The following TMEM144 variants were observed in gnomAD, a reference collection of about 807,000 sequenced individuals.
TMEM144 encodes the protein transmembrane protein 144.
Under a neutral mutation model 43.6 loss-of-function variants are expected in TMEM144, and 39 were observed. The ratio of observed to expected loss-of-function variants is 0.90; its 90% confidence interval spans 0.69 to 1.17. The LOEUF (loss-of-function observed/expected upper bound fraction) is 1.17, where lower values mean the gene tolerates loss of function less well. Ranked by LOEUF, TMEM144 falls within the 50% of genes most tolerant of loss-of-function variation. The pLI, the probability that TMEM144 is intolerant of heterozygous loss-of-function variation, is 0.00. For missense variants in TMEM144, 417 were observed against 411.9 expected (o/e 1.01, Z -0.11); for synonymous variants, 154 against 133.6 (o/e 1.15, Z -1.06).
chr4:158,249,973 C>T (rs1432754720), intron 12 of TMEM144, among the ~76,000 whole-genome samples: 1 of 144,692 alleles, frequency 6.9e-6, no homozygotes, highest in Non-Finnish European at 1.5e-5. Context: ...TTTTCGGGTG[C>T]TTCTATTTGT....
In TMEM144 at chr4:158,215,175, G is replaced by T. The variant is rs1398979004; in HGVS notation, c.110-16G>T. 6.2e-7 allele frequency: 1 copy of T among 1,613,248 alleles called. No homozygotes were observed. The highest frequency in any genetic ancestry group is 1.3e-5 in the African/African-American group (1 of 74,890). ...ATTCAATTTGAACCACTAACACTGA[G>T]TTTGTTTATTTCTAGGAATGTTTCT... On this transcript the variant is annotated splice_polypyrimidine_tract_variant and intron_variant, in intron 3 of 12. Transcript: ENST00000296529.
intron 8 of TMEM144, among the ~76,000 whole-genome samples, chr4:158,236,160 C>T (rs1414925755): frequency 6.6e-6 from 1 of 152,088 alleles, no homozygotes; most frequent in Non-Finnish European, 1.5e-5. Flanking sequence ...TGTGGTGACA[C>T]CTTTTGACTC....
chr4:158,226,677 T>G (rs957628119), intron 6 of TMEM144, among the ~76,000 whole-genome samples: 1 of 152,170 alleles, frequency 6.6e-6, no homozygotes, highest in African/African-American at 2.4e-5. Context: ...CTAGCTACTT[T>G]TAAATTATAC....
intron 6 of TMEM144, among the ~76,000 whole-genome samples, chr4:158,229,822 G>A (rs1190312188): frequency 6.6e-6 from 1 of 152,212 alleles, no homozygotes; most frequent in Non-Finnish European, 1.5e-5. Context: ...ACTTCTTGGG[G>A]ATCAAGCTCT....
intron 10 of TMEM144, among the ~76,000 whole-genome samples, chr4:158,241,144 C>T (rs112530499): frequency 1.3e-4 from 20 of 151,438 alleles, no homozygotes; most frequent in African/African-American, 4.6e-4. Flanking sequence ...TTTTCTTAGC[C>T]GTAGCATCAC....
intron 11 of TMEM144, among the ~76,000 whole-genome samples, chr4:158,243,360 G>A (rs1170421051): frequency 6.6e-6 from 1 of 151,450 alleles, no homozygotes; most frequent in Non-Finnish European, 1.5e-5. Flanking sequence ...TATTTTTTTT[G>A]TTTCACTTAC....
intron 6 of TMEM144, among the ~76,000 whole-genome samples, chr4:158,224,824 G>T (rs949434862): frequency 2.0e-5 from 3 of 152,160 alleles, no homozygotes; most frequent in Non-Finnish European, 4.4e-5. Context: ...AGGGGTTGGC[G>T]AAGCTGCTCT....
Position 158,240,433 on chromosome 4 carries a change from T to G in TMEM144, c.802+15T>G, listed in dbSNP as rs1360686795. ...AGTCCTACCAGGTAAGAATATGTAC[T>G]ACAGATCTTCTTACTATATGAAAGT... is the stretch of plus-strand genomic sequence containing the variant. On this transcript the variant is annotated intron_variant, in intron 10 of 12. Transcript: ENST00000296529. 6.3e-7 allele frequency: 1 copy of G among 1,585,740 alleles called. No homozygotes were observed. The highest frequency in any genetic ancestry group is 2.2e-5 in the East Asian group (1 of 44,734).
At chr4:158,227,344 C>T (rs1734825793) in intron 6 of TMEM144, among the ~76,000 whole-genome samples, 1 of 152,088 alleles carries the variant, frequency 6.6e-6, no homozygotes, top group Non-Finnish European at 1.5e-5. Context: ...CCACGGGTTA[C>T]TGGGTTAAGG....
chr4:158,237,688 T>A, intron 9 of TMEM144, 45 bp downstream of exon 9: 1 of 1,282,170 alleles, frequency 7.8e-7, no homozygotes, highest in Non-Finnish European at 1.1e-6. Context: ...CTACTTTTTA[T>A]GAATATAAAA....
chr4:158,250,273 A>C (rs901172235), intron 12 of TMEM144, among the ~76,000 whole-genome samples: 1 of 150,262 alleles, frequency 6.7e-6, no homozygotes, highest in East Asian at 1.9e-4. Flanking sequence ...TAATAATACA[A>C]AAGACCTTTC....
intron 12 of TMEM144, among the ~76,000 whole-genome samples, chr4:158,245,790 T>C (rs972191824): frequency 1.3e-5 from 2 of 151,920 alleles, no homozygotes; most frequent in Non-Finnish European, 2.9e-5. Context: ...TAGCCAGGTG[T>C]GGTGAGGAAC....
At chr4:158,215,084 A>AT (rs1734150935) in intron 3 of TMEM144, 107 bp from the exon 4 acceptor site, 17 of 1,379,942 alleles carry the variant, frequency 1.2e-5, no homozygotes, top group Non-Finnish European at 1.7e-5. Context: ...GGCATATGGC[A>AT]TTTAATAAAT....
chr4:158,254,710 T>C lies in TMEM144; in HGVS notation c.*1183T>C, dbSNP rs1736394348. On this transcript the variant is annotated 3_prime_UTR_variant, in exon 13 of 13. Coordinates refer to ENST00000296529, the MANE Select transcript of TMEM144 (RefSeq NM_018342.5). ...TGAGATAACGAAACCCCTATTCAAA[T>C]GTAAATTTTACCCATTCCCACCTGA... 2 of 152,212 alleles carry C rather than the reference T, an allele frequency of 1.3e-5. No homozygotes were observed. The highest frequency in any genetic ancestry group is 2.9e-5 in the Non-Finnish European group (2 of 68,044). 9.4% of individuals were successfully genotyped at this position (152,212 alleles called of 1,614,324 possible).
At chr4:158,224,180 C>T (rs941119190) in intron 6 of TMEM144, among the ~76,000 whole-genome samples, 2 of 152,016 alleles carry the variant, frequency 1.3e-5, no homozygotes, top group African/African-American at 4.8e-5. Context: ...GAGCTTTTTT[C>T]ATGTTTGTTG....
At chr4:158,232,658 T>C (rs1735139420) in intron 6 of TMEM144, among the ~76,000 whole-genome samples, 1 of 152,224 alleles carries the variant, frequency 6.6e-6, no homozygotes, top group Admixed American at 6.5e-5. Context: ...AAGGGAAATA[T>C]CTGATGTAGA....
intron 6 of TMEM144, among the ~76,000 whole-genome samples, chr4:158,224,272 T>C (rs945399679): frequency 1.2e-4 from 19 of 152,322 alleles, no homozygotes; most frequent in African/African-American, 4.1e-4. Flanking sequence ...TTTCCTCTTG[T>C]AAATTTGTTT....
intron 11 of TMEM144, among the ~76,000 whole-genome samples, chr4:158,242,452 T>C (rs2111144770): frequency 6.6e-6 from 1 of 152,320 alleles, no homozygotes; most frequent in East Asian, 1.9e-4. Flanking sequence ...TTAAAACTTT[T>C]TTAAACTTAA....
chr4:158,248,130 A>AC (rs1735987267), intron 12 of TMEM144, among the ~76,000 whole-genome samples: 1 of 151,020 alleles, frequency 6.6e-6, no homozygotes, highest in Non-Finnish European at 1.5e-5. Context: ...AATTAAAAAA[A>AC]AAAAAAAAAA....
Sources: allele counts gnomAD v4.1 joint callset (sites outside exome capture counted in the v4.1 genomes callset), GRCh38; gene constraint gnomAD v4.1.1; transcripts MANE v1.5; gene names NCBI Gene and HGNC (gene_info 2026-07-23, HGNC 2026-07-21).